CELF2: variants seen among roughly 807,000 people sequenced by gnomAD.
CELF2 encodes CUG triplet repeat RNA-binding protein 2.
In CELF2, 8 loss-of-function variants were observed where a neutral mutation model predicts 62.6. The observed-to-expected ratio is 0.13, with a 90% confidence interval of 0.07 to 0.23. The LOEUF (loss-of-function observed/expected upper bound fraction) is 0.23. Among genes scored for constraint, CELF2 ranks in the 10% least tolerant of loss-of-function variants. The pLI is 1.00. For missense variants in CELF2, 333 were observed against 671.0 expected (o/e 0.50, Z 5.56); for synonymous variants, 258 against 250.0 (o/e 1.03, Z -0.30).
At chr10:10,762,796 C>T in the CELF2 span, among the ~76,000 whole-genome samples, 2 of 152,140 alleles carry the variant, frequency 1.3e-5, no homozygotes, top group Admixed American at 6.5e-5. Flanking sequence ...AATCCCCGCA[C>T]GTTGAGAGGC....
At chr10:11,142,254 G>A (rs76365838) in intron 1 of CELF2, among the ~76,000 whole-genome samples, 1,649 of 152,326 alleles carry the variant, frequency 0.011, 24 homozygotes, top group African/African-American at 0.038. Context: ...GCGCAGAAGT[G>A]AATGAAGTGT....
the CELF2 span, among the ~76,000 whole-genome samples, chr10:10,566,783 A>AT: frequency 7.2e-5 from 11 of 152,208 alleles, no homozygotes; most frequent in Admixed American, 6.5e-4. Context: ...AAGACTTTAG[A>AT]TTTTTCAAGG....
In CELF2 at chr10:10,983,559, T is replaced by TTG. The variant is rs2052396202; in HGVS notation, c.89+63560_89+63561insTG. On this transcript the variant is annotated intron_variant, in intron 2 of 13. Transcript: ENST00000636488. This position sits in a 1 kb window ranked among gnomAD's most constrained non-coding sequence, Gnocchi z 5.2. ...CTACCGAAGATACATCCGTAGTTTT[T>TTG]GTTTTTGGTTTTTGGTTTATTTTTT... 6.6e-6 allele frequency among the ~76,000 whole-genome samples: 1 copy of TTG among 152,190 alleles called. No individual in the cohort carries two copies. Among genetic ancestry groups the TTG allele is most frequent in the Admixed American group, 6.5e-5 (1 of 15,274 alleles).
chr10:10,595,957 C>T, the CELF2 span, among the ~76,000 whole-genome samples: 1 of 152,142 alleles, frequency 6.6e-6, no homozygotes, highest in Non-Finnish European at 1.5e-5. Context: ...TATGCTCTGC[C>T]TATGGGGTCA....
At chr10:10,699,637 A>G in the CELF2 span, among the ~76,000 whole-genome samples, 1 of 152,186 alleles carries the variant, frequency 6.6e-6, no homozygotes, top group Admixed American at 6.5e-5. Context: ...CACCTCGCAG[A>G]CAGAGGGGGA....
At chr10:11,228,700 C>T (rs1226320955) in intron 3 of CELF2, among the ~76,000 whole-genome samples, 2 of 145,618 alleles carry the variant, frequency 1.4e-5, no homozygotes, top group East Asian at 2.0e-4. Context: ...TAATCACAAC[C>T]CCCACCCGCG....
chr10:11,304,947 C>T (rs2140278945), intron 9 of CELF2, among the ~76,000 whole-genome samples: 1 of 152,268 alleles, frequency 6.6e-6, no homozygotes, highest in South Asian at 2.1e-4. Context: ...GCCCTTAGGC[C>T]CCAAATAAGC....
chr10:10,795,224 A>C (rs983143954), upstream of CELF2, among the ~76,000 whole-genome samples: 1 of 148,916 alleles, frequency 6.7e-6, no homozygotes, highest in African/African-American at 2.5e-5. Flanking sequence ...CGAATGTTGC[A>C]TTATATGGAT....
At chr10:11,112,459 C>T (rs2055438243) in intron 1 of CELF2, among the ~76,000 whole-genome samples, 1 of 152,320 alleles carries the variant, frequency 6.6e-6, no homozygotes, top group African/African-American at 2.4e-5. Flanking sequence ...ACAGTACACA[C>T]GTGTGTGTCA....
chr10:10,841,285 T>G (rs756437749), intron 1 of CELF2, among the ~76,000 whole-genome samples: 2 of 152,040 alleles, frequency 1.3e-5, no homozygotes, highest in Non-Finnish European at 2.9e-5. Flanking sequence ...GAGTTTTTAA[T>G]TCTAAAAGGT....
At chr10:11,115,178 A>G (rs1352027414) in intron 1 of CELF2, among the ~76,000 whole-genome samples, 1 of 151,960 alleles carries the variant, frequency 6.6e-6, no homozygotes, top group Non-Finnish European at 1.5e-5. Flanking sequence ...CAGTAGTGAG[A>G]TGTACACATC....
At chr10:10,492,036 C>T in the CELF2 span, among the ~76,000 whole-genome samples, 1 of 152,130 alleles carries the variant, frequency 6.6e-6, no homozygotes, top group African/African-American at 2.4e-5. Context: ...TTCCATTCTC[C>T]ATCCCTTCCC....
At chr10:11,245,542 G>T (rs1386838258) in intron 3 of CELF2, among the ~76,000 whole-genome samples, 1 of 152,198 alleles carries the variant, frequency 6.6e-6, no homozygotes, top group Non-Finnish European at 1.5e-5. Context: ...TTTTTCCCCT[G>T]CTGAGCCCAG....
At chr10:10,920,075 G>A in intron 2 of CELF2, 1 of 1,030,670 alleles carries the variant, frequency 9.7e-7, no homozygotes. Context: ...CATGTCTTCT[G>A]TAAGAGGTCT....
intron 1 of CELF2, among the ~76,000 whole-genome samples, chr10:11,032,178 C>G (rs910692322): frequency 1.1e-5 from 1 of 94,450 alleles, no homozygotes; most frequent in Non-Finnish European, 2.9e-5. Flanking sequence ...AAAATTGCTT[C>G]CAGGGGCCAC....
At chr10:10,545,229 A>G in the CELF2 span, among the ~76,000 whole-genome samples, 4 of 152,348 alleles carry the variant, frequency 2.6e-5, no homozygotes, top group African/African-American at 9.6e-5. Context: ...TTTTGAAAGC[A>G]AGACATGCTC....
rs2050695102 is a variant in CELF2, at chr10:11,098,982, C to T, written c.75-66504C>T. 6.6e-6 allele frequency among the ~76,000 whole-genome samples: 1 copy of T among 152,162 alleles called. No individual in the cohort carries two copies. The highest frequency in any genetic ancestry group is 1.5e-5 in the Non-Finnish European group (1 of 68,034). On this transcript the variant is annotated intron_variant, in intron 1 of 12. Transcript: ENST00000633077. The surrounding 1 kb of genome is among the most constrained non-coding windows in gnomAD (Gnocchi z 4.0). ...AGACAGAAATGCAGATAAGCTTTGC[C>T]ATAAGAAACGCACAGATGACTTCAG...
chr10:11,168,266 C>T (rs542115376), intron 2 of CELF2, among the ~76,000 whole-genome samples: 198 of 152,304 alleles, frequency 1.3e-3, no homozygotes, highest in African/African-American at 4.3e-3. Flanking sequence ...TTACTGTGAA[C>T]TCCAAGTCTC....
intron 1 of CELF2, among the ~76,000 whole-genome samples, chr10:11,023,106 C>T (rs768070615): frequency 2.0e-5 from 3 of 152,130 alleles, no homozygotes; most frequent in Non-Finnish European, 2.9e-5. Context: ...GTCACATTTT[C>T]GCTTTTTGTT....
Sources: allele counts gnomAD v4.1 joint callset (sites outside exome capture counted in the v4.1 genomes callset), GRCh38; gene constraint gnomAD v4.1.1; non-coding constraint Gnocchi (gnomAD v3.1); transcripts MANE v1.5; gene names NCBI Gene and HGNC (gene_info 2026-07-23, HGNC 2026-07-21).